FGD3: variants seen among roughly 807,000 people sequenced by gnomAD.
FGD3 encodes the protein FYVE, RhoGEF and PH domain-containing protein 3.
FGD3 carries 45 observed loss-of-function variants against 71.8 expected under a neutral mutation model. The observed-to-expected ratio is 0.63, with a 90% CI of 0.49 to 0.80. FGD3 has a LOEUF of 0.80. Among genes scored for constraint, FGD3 ranks in the 30% least tolerant of loss-of-function variants. The pLI is 0.00. For missense variants in FGD3, 844 were observed against 951.5 expected (o/e 0.89, Z 1.49); for synonymous variants, 378 against 392.8 (o/e 0.96, Z 0.44).
intron 6 of FGD3, among the ~76,000 whole-genome samples, chr9:93,009,724 G>A (rs921848802): frequency 4.6e-5 from 7 of 152,214 alleles, no homozygotes; most frequent in Non-Finnish European, 8.8e-5. Flanking sequence ...GGTACACGTG[G>A]AGCGCGAGGG....
At chr9:92,965,424 C>G (rs936512890) in intron 1 of FGD3, among the ~76,000 whole-genome samples, 8 of 152,232 alleles carry the variant, frequency 5.3e-5, no homozygotes, top group African/African-American at 1.9e-4. Context: ...TCACAACTTG[C>G]TCAGTGGCCC....
Position 93,003,947 on chromosome 9 carries a change from A to G in FGD3, c.544-54A>G. The G allele has an allele frequency of 3.7e-6, 6 of 1,605,672 alleles. No homozygotes were observed. Among genetic ancestry groups the G allele is most frequent in the South Asian group, 1.1e-5 (1 of 90,912 alleles). On this transcript the variant is annotated intron_variant, in intron 4 of 17. Transcript: ENST00000375482. The surrounding 1 kb of genome is among the most constrained non-coding windows in gnomAD (Gnocchi z 4.1). ...CACCTGTGGCCGAAGCGGGGCGGCAACTGTGCTCAGTGGAAGAGGCTCACT... is the reference window on the plus strand; with the variant it reads ...CACCTGTGGCCGAAGCGGGGCGGCAGCTGTGCTCAGTGGAAGAGGCTCACT...
chr9:93,009,217 C>T (rs1049253098), intron 6 of FGD3, among the ~76,000 whole-genome samples: 13 of 151,858 alleles, frequency 8.6e-5, no homozygotes, highest in South Asian at 2.1e-4. Context: ...GAGCCGAGAT[C>T]GCGCCATTGC....
intron 1 of FGD3, among the ~76,000 whole-genome samples, chr9:92,961,587 C>T (rs12351097): frequency 1.5e-3 from 235 of 152,328 alleles, no homozygotes; most frequent in Non-Finnish European, 3.0e-3. Flanking sequence ...GAAAATACTA[C>T]ATCACTTTAA....
intron 1 of FGD3, among the ~76,000 whole-genome samples, chr9:92,972,191 G>A (rs1473533908): frequency 6.6e-6 from 1 of 152,138 alleles, no homozygotes; most frequent in African/African-American, 2.4e-5. Flanking sequence ...GCTCATGCCT[G>A]TAATCCCAGC....
chr9:93,019,108 C>T (rs1229470395), intron 11 of FGD3, among the ~76,000 whole-genome samples: 1 of 152,228 alleles, frequency 6.6e-6, no homozygotes, highest in Non-Finnish European at 1.5e-5. Flanking sequence ...CCTCGGCCTC[C>T]CAAAGTGCTG....
rs199786328 is a variant in FGD3, at chr9:93,006,114, C to T, written c.771C>T (p.Ala257=). 89 of 1,613,182 alleles carry T rather than the reference C, an allele frequency of 5.5e-5. No homozygotes were observed. In the African/African-American group the frequency reaches 9.3e-4, roughly 17 times the overall value. ...YGEYVKNFDR[A]VGLVSTWTQR... ...AGTATGTCAAGAACTTTGACCGAGC[C>T]GTAGGGCTGGTGAGCACGTGGACCC... The change falls in exon 6 of 18, where the codon GCC becomes GCT. Residue 257 remains alanine, a synonymous_variant. Coordinates refer to ENST00000375482, the MANE Select transcript of FGD3 (RefSeq NM_001083536.2).
At position 93,006,017 on chromosome 9, in the gene FGD3, C is replaced by T; in HGVS notation, c.681-7C>T. 1.9e-6 allele frequency: 3 copies of T among 1,590,426 alleles called. No homozygotes were observed. Among genetic ancestry groups the T allele is most frequent in the Non-Finnish European group, 2.6e-6 (3 of 1,167,526 alleles). On this transcript the variant is annotated splice_polypyrimidine_tract_variant and splice_region_variant and intron_variant, in intron 5 of 17. Coordinates refer to ENST00000375482, the MANE Select transcript of FGD3 (RefSeq NM_001083536.2). ...CTATTTCTCTGATGATTCATTTCTC[C>T]ACGAAGGGACACAAACCCACGGCTC...
At chr9:93,024,103 G>T (rs1862033472) in intron 14 of FGD3, among the ~76,000 whole-genome samples, 3 of 152,132 alleles carry the variant, frequency 2.0e-5, no homozygotes, top group Non-Finnish European at 4.4e-5. Flanking sequence ...ATGGGAATCC[G>T]CCCGTCAGCA....
chr9:92,969,680 C>T lies in FGD3; in HGVS notation c.-217-5558C>T, dbSNP rs1202335665. Reference sequence around the variant, plus strand: ...TTTCTTTCAGATGGGGGGGGACTCCCGCACGGCCTCCCGGGAAGGGACATC... The same window carrying T: ...TTTCTTTCAGATGGGGGGGGACTCCTGCACGGCCTCCCGGGAAGGGACATC... On this transcript the variant is annotated intron_variant, in intron 1 of 17. Transcript: ENST00000375482. The surrounding 1 kb of genome is among the most constrained non-coding windows in gnomAD (Gnocchi z 4.5). Among the ~76,000 whole-genome samples, 13 of 152,100 alleles carry T rather than the reference C, an allele frequency of 8.5e-5. No homozygotes were observed. The highest frequency in any genetic ancestry group is 7.2e-4 in the Admixed American group (11 of 15,264).
chr9:93,011,409 C>CTGGGGATGGGGGTGGA, intron 8 of FGD3, 137 bp downstream of exon 8: 1 of 1,044,734 alleles, frequency 9.6e-7, no homozygotes, highest in Non-Finnish European at 1.4e-6. Context: ...CTTCCACCCC[C>CTGGGGATGGGGGTGGA]ATCCCCAGGG....
chr9:93,004,155 A>G lies in FGD3; in HGVS notation c.680+18A>G, dbSNP rs1860961154. 1.2e-6 allele frequency: 2 copies of G among 1,612,430 alleles called. No individual in the cohort carries two copies. Among genetic ancestry groups the G allele is most frequent in the Non-Finnish European group, 1.7e-6 (2 of 1,179,968 alleles). Reference sequence around the variant, plus strand: ...GAGGAGTGGTGAGTACCATCTGCGCATGCCCATGGGGCCCCTCAAGTGTTC... The same window carrying G: ...GAGGAGTGGTGAGTACCATCTGCGCGTGCCCATGGGGCCCCTCAAGTGTTC... On this transcript the variant is annotated intron_variant, in intron 5 of 17. Transcript: ENST00000375482.
intron 14 of FGD3, among the ~76,000 whole-genome samples, chr9:93,023,227 T>C (rs1861993039): frequency 6.6e-6 from 1 of 152,136 alleles, no homozygotes; most frequent in African/African-American, 2.4e-5. Flanking sequence ...CCTAGCCCCA[T>C]CCAAGACGGG....
At chr9:93,004,559 T>C (rs960679766) in intron 5 of FGD3, among the ~76,000 whole-genome samples, 1 of 152,214 alleles carries the variant, frequency 6.6e-6, no homozygotes, top group African/African-American at 2.4e-5. Flanking sequence ...CCCTGTGGCC[T>C]GTCCCTCTGT....
chr9:93,011,584 G>A (rs777115991), intron 8 of FGD3, among the ~76,000 whole-genome samples: 2 of 152,238 alleles, frequency 1.3e-5, no homozygotes, highest in African/African-American at 4.8e-5. Context: ...TGGGCCGGGC[G>A]CGGTTGCTCA....
intron 14 of FGD3, 35 bp downstream of exon 14, chr9:93,022,424 A>G (rs1587865908): frequency 6.2e-7 from 1 of 1,605,272 alleles, no homozygotes; most frequent in South Asian, 1.1e-5. Context: ...AGCAGGGGTG[A>G]AAGGCAGAGC....
chr9:92,957,677 CTTTTTTTTTTTTT>C (rs60726578), intron 1 of FGD3, among the ~76,000 whole-genome samples: 1 of 102,232 alleles, frequency 9.8e-6, no homozygotes, highest in East Asian at 2.7e-4. Context: ...ATTTTCTTTT[CTTTTTTTTTTTTT>C]TTTTTTGAGA....
intron 10 of FGD3, among the ~76,000 whole-genome samples, chr9:93,016,371 G>GCT (rs10682558): frequency 0.6 from 80,951 of 134,932 alleles, 25,768 homozygotes; most frequent in African/African-American, 0.8. Context: ...ACGGAGTCTC[G>GCT]CTGTCACCCA....
intron 3 of FGD3, among the ~76,000 whole-genome samples, chr9:92,978,113 T>C (rs1419156778): frequency 2.0e-5 from 3 of 151,896 alleles, no homozygotes; most frequent in Non-Finnish European, 2.9e-5. Flanking sequence ...AGAAAACCTG[T>C]CTCTACTAAA....
Sources: gnomAD v4.1 joint callset for allele counts (sites outside exome capture counted in the v4.1 genomes callset) on GRCh38, gnomAD v4.1.1 for gene constraint, Gnocchi (gnomAD v3.1) non-coding constraint, MANE v1.5 for transcripts, NCBI Gene and HGNC (gene_info 2026-07-23, HGNC 2026-07-21) for gene names.